The following RP1 variants were observed in gnomAD, a reference collection of about 807,000 sequenced individuals.
The protein encoded by RP1 is RP1 axonemal microtubule associated.
A neutral mutation model predicts 14.8 loss-of-function variants in RP1; 16 were observed. That is an observed-to-expected ratio of 1.08 (90% CI 0.73 to 1.65). The LOEUF (loss-of-function observed/expected upper bound fraction) is 1.65, where lower values mean the gene tolerates loss of function less well. Ranked by LOEUF, RP1 falls within the 40% of genes most tolerant of loss-of-function variation. RP1 has a pLI of 0.00. For synonymous variants in RP1, 876 were observed against 883.6 expected, an observed-to-expected ratio of 0.99 and a Z score of 0.15; for missense variants, 2,631 against 2,535.0, an observed-to-expected ratio of 1.04 and a Z score of -0.81.
At chr8:54,785,298 G>A (rs1483846708) in intron 24 of RP1, among the ~76,000 whole-genome samples, 2 of 151,988 alleles carry the variant, frequency 1.3e-5, no homozygotes, top group Non-Finnish European at 2.9e-5. Context: ...GTTTTACGTA[G>A]CATAAAGAAT....
At chr8:54,593,994 C>A (rs1178841850) in intron 1 of RP1, among the ~76,000 whole-genome samples, 1 of 152,218 alleles carries the variant, frequency 6.6e-6, no homozygotes, top group Non-Finnish European at 1.5e-5. Flanking sequence ...CAGCAGGAAA[C>A]ACATCATTCC....
chr8:54,866,139 G>C (rs1163996965), intron 28 of RP1, among the ~76,000 whole-genome samples: 1 of 152,124 alleles, frequency 6.6e-6, no homozygotes, highest in African/African-American at 2.4e-5. Flanking sequence ...AAAAAGTATG[G>C]TGAAATGGAA....
At chr8:54,842,925 A>G (rs773628685) in intron 25 of RP1, among the ~76,000 whole-genome samples, 1 of 152,014 alleles carries the variant, frequency 6.6e-6, no homozygotes, top group Admixed American at 6.6e-5. Context: ...TCAGCTCTTC[A>G]TCTGTGCTCA....
chr8:54,745,707 G>A (rs1237771667), intron 19 of RP1, among the ~76,000 whole-genome samples: 2 of 148,026 alleles, frequency 1.4e-5, no homozygotes, highest in Admixed American at 6.7e-5. Context: ...CACTGTGTTT[G>A]TTTGTTTTCA....
downstream of RP1, among the ~76,000 whole-genome samples, chr8:54,635,081 C>CAA (rs764704971): frequency 3.6e-4 from 33 of 92,078 alleles, no homozygotes; most frequent in African/African-American, 1.2e-3. Context: ...GACTCCATCT[C>CAA]AAAAAAAAAA....
At chr8:54,652,693 T>C (rs1806679727) in intron 4 of RP1, 4 of 843,544 alleles carry the variant, frequency 4.7e-6, no homozygotes, top group Non-Finnish European at 7.7e-6. Flanking sequence ...ATTGACCCCT[T>C]TATCAACATT....
chr8:54,626,437 A>G lies in RP1; in HGVS notation c.2555A>G (p.Lys852Arg), dbSNP rs1806052333. Residue 852 changes from lysine (K) to arginine (R), a missense_variant, in exon 4 of 4, where the codon AAG (lysine) becomes AGG (arginine). Physicochemically the swap from Lys to Arg is conservative, Grantham distance 26. Transcript: ENST00000220676. ...TCTGGGTATTTGAGAGGAATGGCAA[A>G]GAAGAGTTTAGTTTCAAAAGTTACT... ...VASGYLRGMAKKSLVSKVTDS... is the reference protein window; with the variant it reads ...VASGYLRGMARKSLVSKVTDS... 3 of 1,613,660 alleles carry G rather than the reference A, an allele frequency of 1.9e-6. No individual in the cohort carries two copies. The highest frequency in any genetic ancestry group is 2.2e-5 in the South Asian group (2 of 91,074).
At chr8:54,867,899 T>A (rs1812495060) in intron 28 of RP1, among the ~76,000 whole-genome samples, 1 of 152,192 alleles carries the variant, frequency 6.6e-6, no homozygotes, top group African/African-American at 2.4e-5. Context: ...ACATTTCTAG[T>A]GCTGAATAGA....
intron 21 of RP1, among the ~76,000 whole-genome samples, chr8:54,758,468 GGGAGGGAGGGAA>G (rs1279244647): frequency 3.3e-5 from 5 of 150,164 alleles, no homozygotes; most frequent in Admixed American, 2.7e-4. Flanking sequence ...GAGGGAGGGA[GGGAGGGAGGGAA>G]GGAGGGAGGA....
At chr8:54,839,086 G>A (rs567858049) in intron 25 of RP1, among the ~76,000 whole-genome samples, 7 of 152,180 alleles carry the variant, frequency 4.6e-5, no homozygotes, top group South Asian at 2.1e-4. Flanking sequence ...CCTTCATCAC[G>A]TGGTACCAGC....
chr8:54,586,848 G>T (rs777875743), intron 1 of RP1, among the ~76,000 whole-genome samples: 6 of 152,206 alleles, frequency 3.9e-5, no homozygotes, highest in Non-Finnish European at 5.9e-5. Flanking sequence ...TTGGAAAAGC[G>T]CAGTATTAAG....
At chr8:54,841,441 G>A (rs1050388831) in intron 25 of RP1, among the ~76,000 whole-genome samples, 3 of 152,196 alleles carry the variant, frequency 2.0e-5, no homozygotes, top group African/African-American at 7.2e-5. Context: ...TTTCCAGGCA[G>A]TTGGCACTTA....
chr8:54,731,756 A>G (rs1808799615), intron 17 of RP1, among the ~76,000 whole-genome samples: 1 of 152,162 alleles, frequency 6.6e-6, no homozygotes, highest in African/African-American at 2.4e-5. Context: ...ACATACACAC[A>G]TAGATTTGTG....
intron 14 of RP1, among the ~76,000 whole-genome samples, chr8:54,704,791 G>C (rs1261367739): frequency 6.6e-6 from 1 of 152,088 alleles, no homozygotes; most frequent in Non-Finnish European, 1.5e-5. Flanking sequence ...TTTAGCTTAA[G>C]GTTGAACTTA....
intron 3 of RP1, among the ~76,000 whole-genome samples, chr8:54,645,886 T>C (rs1021744471): frequency 6.6e-6 from 1 of 152,192 alleles, no homozygotes; most frequent in African/African-American, 2.4e-5. Context: ...TCTATTTGTT[T>C]TGTGTCTGCT....
In RP1 at chr8:54,672,296, G is replaced by A. The variant is rs963953553; in HGVS notation, c.1324-1554G>A. Among the ~76,000 whole-genome samples the A allele has an allele frequency of 2.6e-5, 4 of 152,098 alleles. No homozygotes were observed. In the South Asian group the frequency reaches 6.2e-4, roughly 24 times the overall value. On this transcript the variant is annotated intron_variant, in intron 7 of 22. Transcript: ENST00000636932. The stretch of plus-strand genomic sequence containing the variant: ...AGCCTTCAGACAAGACAGAATTTTG[G>A]ATGTATGGTCCACTCTTTCGTTTCT...
intron 8 of RP1, among the ~76,000 whole-genome samples, chr8:54,677,428 G>A (rs1044205681): frequency 6.6e-6 from 1 of 152,114 alleles, no homozygotes; most frequent in East Asian, 1.9e-4. Context: ...TATATGCTGC[G>A]TTAAAAAGTT....
Position 54,674,047 on chromosome 8 carries a change from C to A in RP1, c.1402+119C>A. The stretch of plus-strand genomic sequence containing the variant: ...TAGAAAATGGATCTCTATGTATTGA[C>A]TATATGAAATCAAAATATTGTCTCC... On this transcript the variant is annotated intron_variant, in intron 8 of 22. Coordinates refer to the RP1 transcript ENST00000636932. 5 of 710,620 alleles carry A rather than the reference C, an allele frequency of 7.0e-6. No homozygotes were observed. In the East Asian group the frequency reaches 1.4e-4, roughly 20 times the overall value. The allele number at this position is 710,620 out of a possible 1,614,324, so 44.0% of individuals were successfully genotyped here. A position where few individuals can be genotyped will look rare whatever the true frequency, so the allele number is the denominator to read the frequency against.
chr8:54,777,384 G>A (rs551745510), intron 23 of RP1, among the ~76,000 whole-genome samples: 5 of 152,232 alleles, frequency 3.3e-5, no homozygotes, highest in East Asian at 1.9e-4. Context: ...CAAGAGATTC[G>A]TCTTAGACCA....
Sources: gnomAD v4.1 joint callset for allele counts (sites outside exome capture counted in the v4.1 genomes callset) on GRCh38, gnomAD v4.1.1 for gene constraint, MANE v1.5 for transcripts, NCBI Gene and HGNC (gene_info 2026-07-23, HGNC 2026-07-21) for gene names.